Variants in HFM1 observed in about 807,000 individuals in gnomAD.
The protein encoded by HFM1 is helicase for meiosis 1, also known as probable ATP-dependent DNA helicase HFM1.
Under a neutral mutation model 192.1 loss-of-function variants are expected in HFM1, and 169 were observed. The observed-to-expected ratio is 0.88, with a 90% CI of 0.78 to 1.00. The LOEUF is 1.00. Among genes scored for constraint, HFM1 ranks in the 50% least tolerant of loss-of-function variants. The pLI, the probability that HFM1 is intolerant of heterozygous loss-of-function variation, is 0.00. For missense variants in HFM1, 1,661 were observed against 1,668.0 expected (o/e 1.00, Z 0.07); for synonymous variants, 525 against 537.8 (o/e 0.98, Z 0.33).
chr1:91,282,348 T>A (rs964566156), intron 30 of HFM1, among the ~76,000 whole-genome samples: 1 of 152,164 alleles, frequency 6.6e-6, no homozygotes, highest in African/African-American at 2.4e-5. Flanking sequence ...AATGGCATCC[T>A]ATTCAGTTTT....
chr1:91,378,644 A>G (rs1399740675), intron 9 of HFM1, among the ~76,000 whole-genome samples, 164 bp from the exon 10 acceptor site: 1 of 152,098 alleles, frequency 6.6e-6, no homozygotes, highest in Non-Finnish European at 1.5e-5. Flanking sequence ...AAAAATACTT[A>G]AAGAATTTTT....
chr1:91,329,946 C>T (rs1342882622), intron 20 of HFM1, among the ~76,000 whole-genome samples: 1 of 152,178 alleles, frequency 6.6e-6, no homozygotes, highest in Middle Eastern at 3.2e-3. Flanking sequence ...TCAGCCTTGA[C>T]CCACCTTGAG....
At chr1:91,272,252 A>G (rs1666375299) in intron 34 of HFM1, among the ~76,000 whole-genome samples, 1 of 152,108 alleles carries the variant, frequency 6.6e-6, no homozygotes, top group South Asian at 2.1e-4. Flanking sequence ...TAACCAGATG[A>G]GCAACTTAGA....
chr1:91,297,657 C>T (rs182360412), intron 30 of HFM1, among the ~76,000 whole-genome samples: 13 of 152,320 alleles, frequency 8.5e-5, no homozygotes, highest in South Asian at 6.2e-4. Flanking sequence ...CTGCAGCCTC[C>T]GCTGCTGATA....
intron 30 of HFM1, among the ~76,000 whole-genome samples, chr1:91,291,613 T>C (rs1298847606): frequency 1.3e-5 from 2 of 152,182 alleles, no homozygotes; most frequent in African/African-American, 4.8e-5. Flanking sequence ...AGCCGAATTC[T>C]ACCAGAGGTA....
Position 91,294,022 on chromosome 1 carries a change from G to T in HFM1, c.3392-16960C>A, listed in dbSNP as rs543319414. On this transcript the variant is annotated intron_variant, in intron 30 of 38. Transcript: ENST00000370425. ...AATGAGAACACATGGACACAGGAAG[G>T]GGAACATCACACTCTGGGGACTGTG... is the stretch of plus-strand genomic sequence containing the variant. Among the ~76,000 whole-genome samples, 605 of 145,826 alleles carry T rather than the reference G, an allele frequency of 4.1e-3. 3 individuals are homozygous for T. The highest frequency in any genetic ancestry group is 0.015 in the African/African-American group (575 of 39,310).
chr1:91,277,240 T>C, intron 30 of HFM1, among the ~76,000 whole-genome samples, 178 bp from the exon 31 acceptor site: 1 of 151,830 alleles, frequency 6.6e-6, no homozygotes, highest in East Asian at 1.9e-4. Flanking sequence ...GATAGGGTCT[T>C]GCTATCTTGC....
At chr1:91,390,280 A>G (rs1662780939) in intron 4 of HFM1, among the ~76,000 whole-genome samples, 5 of 152,242 alleles carry the variant, frequency 3.3e-5, no homozygotes, top group East Asian at 1.9e-4. Flanking sequence ...TACTAAAAAT[A>G]CAAAAATTAG....
rs775115648 is a variant in HFM1 at position 91,316,088 on chromosome 1, A to G, written c.2982+13T>C. 4.6e-6 allele frequency: 7 copies of G among 1,533,040 alleles called. No individual in the cohort carries two copies. The East Asian group carries it at 1.1e-4, about 25-fold the overall frequency. The allele number at this position is 1,533,040 out of a possible 1,614,324, so 95.0% of individuals were successfully genotyped here. Reference sequence around the variant, plus strand: ...AAAGACAATAAAATATCTAAGAAACAGAAAATATTTACCTGTTCCACTTTA... The same window carrying G: ...AAAGACAATAAAATATCTAAGAAACGGAAAATATTTACCTGTTCCACTTTA... On this transcript the variant is annotated intron_variant, in intron 27 of 38. Transcript: ENST00000370425.
chr1:91,407,004 C>T (rs1405884486), upstream of HFM1, among the ~76,000 whole-genome samples: 1 of 152,136 alleles, frequency 6.6e-6, no homozygotes, highest in African/African-American at 2.4e-5. Flanking sequence ...CACTAGAAGG[C>T]GCGCTTTCTT....
intron 4 of HFM1, among the ~76,000 whole-genome samples, chr1:91,390,948 C>T (rs1482146459): frequency 3.3e-5 from 5 of 152,158 alleles, no homozygotes; most frequent in Admixed American, 3.3e-4. Context: ...ACAAGTATTC[C>T]TGTACACCAA....
chr1:91,400,852 G>A (rs1445727919), intron 2 of HFM1, among the ~76,000 whole-genome samples, 160 bp downstream of exon 2: 4 of 152,096 alleles, frequency 2.6e-5, no homozygotes, highest in African/African-American at 9.7e-5. Context: ...CTATACTACT[G>A]GTAAGAGAAT....
In HFM1 at chr1:91,267,770, A is replaced by G. The variant is rs764422774; in HGVS notation, c.3858T>C (p.Thr1286=). The part of the protein sequence containing the change: ...DENLEVTSFS[T]DTEKTKISGF... The stretch of plus-strand genomic sequence containing the variant: ...CTGATATTTTTGTCTTCTCAGTATC[A>G]GTTGAAAAGCTAGTAACTTCTAAGT... The change falls in exon 35 of 39, where the codon ACT becomes ACC. Residue 1286 remains threonine (T), a synonymous_variant. Transcript: ENST00000370425. 17 of 1,531,290 alleles carry G rather than the reference A, an allele frequency of 1.1e-5. No homozygotes were observed. The highest frequency in any genetic ancestry group is 1.5e-5 in the Non-Finnish European group (17 of 1,128,364). 94.9% of individuals were successfully genotyped at this position (1,531,290 alleles called of 1,614,324 possible).
At chr1:91,343,863 A>C (rs1655742075) in intron 19 of HFM1, among the ~76,000 whole-genome samples, 1 of 152,232 alleles carries the variant, frequency 6.6e-6, no homozygotes, top group Non-Finnish European at 1.5e-5. Flanking sequence ...TAGGAAACTA[A>C]AGAATAGAGG....
At chr1:91,329,963 C>A (rs1653560363) in intron 20 of HFM1, among the ~76,000 whole-genome samples, 1 of 152,162 alleles carries the variant, frequency 6.6e-6, no homozygotes, top group African/African-American at 2.4e-5. Flanking sequence ...TGAGAGACAG[C>A]CATCAGGAAG....
chr1:91,380,250 A>T lies in HFM1; in HGVS notation c.874-14T>A, dbSNP rs1177898814. 2.0e-6 allele frequency: 3 copies of T among 1,483,722 alleles called. No individual in the cohort carries two copies. The highest frequency in any genetic ancestry group is 2.7e-6 in the Non-Finnish European group (3 of 1,103,536). The allele number at this position is 1,483,722 out of a possible 1,614,324, so 91.9% of individuals were successfully genotyped here. Reference sequence around the variant, plus strand: ...TGTGTAAAGAAGCTAAAAAATAAAAAGTAATCAATCATGTAACATATAGAC... The same window carrying T: ...TGTGTAAAGAAGCTAAAAAATAAAATGTAATCAATCATGTAACATATAGAC... On this transcript the variant is annotated splice_polypyrimidine_tract_variant and intron_variant, in intron 7 of 38. Transcript: ENST00000370425.
chr1:91,328,714 A>G lies in HFM1; in HGVS notation c.2336-3948T>C, dbSNP rs1653321900. On this transcript the variant is annotated intron_variant, in intron 20 of 38. Transcript: ENST00000370425. ...GCGGGGCTGAGGCAGAGAAGCAGCTACAGCAGGCTCAGGCTGCTGGGGCCG... is the reference window on the plus strand; with the variant it reads ...GCGGGGCTGAGGCAGAGAAGCAGCTGCAGCAGGCTCAGGCTGCTGGGGCCG... The G allele has an allele frequency of 7.5e-6, 12 of 1,604,752 alleles. No homozygotes were observed. In the South Asian group the frequency reaches 1.3e-4, roughly 18 times the overall value.
upstream of HFM1, among the ~76,000 whole-genome samples, chr1:91,407,372 T>C (rs895397829): frequency 6.6e-6 from 1 of 151,926 alleles, no homozygotes; most frequent in African/African-American, 2.4e-5. Flanking sequence ...AAAAAAGAAA[T>C]TTCTGCCCAT....
intron 19 of HFM1, among the ~76,000 whole-genome samples, chr1:91,344,906 C>T (rs1292709449): frequency 1.3e-5 from 2 of 151,986 alleles, no homozygotes; most frequent in South Asian, 4.1e-4. Flanking sequence ...ACCACCACAA[C>T]ACCAGCTCAT....
Sources: allele counts gnomAD v4.1 joint callset (sites outside exome capture counted in the v4.1 genomes callset), GRCh38; gene constraint gnomAD v4.1.1; transcripts MANE v1.5; gene names NCBI Gene and HGNC (gene_info 2026-07-23, HGNC 2026-07-21).